MUSK: variants seen among roughly 807,000 people sequenced by gnomAD.
The protein encoded by MUSK is muscle, skeletal receptor tyrosine-protein kinase.
MUSK carries 55 observed loss-of-function variants against 88.7 expected under a neutral mutation model. The observed-to-expected ratio is 0.62, with a 90% CI of 0.50 to 0.78. The LOEUF is 0.78. MUSK is among the 30% of genes least tolerant of loss of function. MUSK has a pLI of 0.00. For missense variants in MUSK, 1,015 were observed against 1,074.3 expected (o/e 0.94, Z 0.77); for synonymous variants, 387 against 391.9 (o/e 0.99, Z 0.15).
intron 1 of MUSK, among the ~76,000 whole-genome samples, chr9:110,670,448 TG>T (rs2075942692): frequency 6.6e-6 from 1 of 152,180 alleles, no homozygotes; most frequent in African/African-American, 2.4e-5. Flanking sequence ...GCAGGACAAT[TG>T]ATTTTGATGA....
At chr9:110,704,761 G>T (rs1002258378) in intron 5 of MUSK, among the ~76,000 whole-genome samples, 1 of 151,882 alleles carries the variant, frequency 6.6e-6, no homozygotes, top group Non-Finnish European at 1.5e-5. Flanking sequence ...CGAGGTGGGC[G>T]AATCACGAGG....
intron 3 of MUSK, 46 bp downstream of exon 3, chr9:110,687,314 T>C: frequency 5.6e-6 from 9 of 1,607,448 alleles, no homozygotes; most frequent in South Asian, 1.1e-5. Context: ...GTTGACTTGG[T>C]ACACTTAGTT....
In MUSK at chr9:110,780,882, T is replaced by C. The variant is rs1208412712; in HGVS notation, c.1385-3933T>C. Among the ~76,000 whole-genome samples the C allele has an allele frequency of 2.0e-5, 3 of 152,204 alleles. No homozygotes were observed. In the South Asian group the frequency reaches 6.2e-4, roughly 32 times the overall value. Reference sequence around the variant, plus strand: ...AGGGCTTCATGTTGGGAGCTTGAGATAAGCTATGATGGGAATCTTTATCCC... The same window carrying C: ...AGGGCTTCATGTTGGGAGCTTGAGACAAGCTATGATGGGAATCTTTATCCC... On this transcript the variant is annotated intron_variant, in intron 11 of 14. Transcript: ENST00000374448.
intron 1 of MUSK, among the ~76,000 whole-genome samples, chr9:110,681,400 G>C (rs1196691442): frequency 6.6e-6 from 1 of 151,148 alleles, no homozygotes; most frequent in Admixed American, 6.7e-5. Flanking sequence ...TGCTCACCCT[G>C]GGAATTAAAT....
intron 6 of MUSK, among the ~76,000 whole-genome samples, chr9:110,740,438 T>C (rs773009770): frequency 2.0e-5 from 3 of 152,176 alleles, no homozygotes; most frequent in African/African-American, 4.8e-5. Context: ...GTGCCTACAA[T>C]GATGAGCGCC....
intron 8 of MUSK, 37 bp downstream of exon 8, chr9:110,762,245 T>C (rs1383791845): frequency 3.6e-6 from 5 of 1,399,892 alleles, no homozygotes; most frequent in Non-Finnish European, 4.7e-6. Flanking sequence ...TTTCCAATGT[T>C]TTGTTTTGTA....
At chr9:110,730,197 AAT>A (rs1334463165) in intron 5 of MUSK, among the ~76,000 whole-genome samples, 1 of 134,970 alleles carries the variant, frequency 7.4e-6, no homozygotes, top group African/African-American at 2.8e-5. Context: ...CCCAGAGTTA[AAT>A]ATATTACCTT....
chr9:110,701,478 G>T (rs750561682), intron 5 of MUSK, among the ~76,000 whole-genome samples: 1 of 151,388 alleles, frequency 6.6e-6, no homozygotes, highest in Non-Finnish European at 1.5e-5. Context: ...CTTTCTTTCC[G>T]TCTTTCTTGT....
At chr9:110,679,660 A>T (rs1254091838) in intron 1 of MUSK, among the ~76,000 whole-genome samples, 1 of 151,016 alleles carries the variant, frequency 6.6e-6, no homozygotes, top group African/African-American at 2.4e-5. Context: ...TTTGTTTTTG[A>T]TTGATAAAGC....
intron 12 of MUSK, 136 bp downstream of exon 12, chr9:110,785,152 C>T (rs1564291022): frequency 1.3e-6 from 1 of 775,952 alleles, no homozygotes. Flanking sequence ...TAAAATTAAG[C>T]ACCCCCATCA....
chr9:110,699,432 A>G (rs1424864744), intron 5 of MUSK, among the ~76,000 whole-genome samples: 3 of 152,218 alleles, frequency 2.0e-5, no homozygotes, highest in Non-Finnish European at 4.4e-5. Flanking sequence ...GGTACATAAT[A>G]AGCATTTAAT....
intron 3 of MUSK, 74 bp downstream of exon 3, chr9:110,687,342 A>G (rs1054079891): frequency 1.5e-6 from 2 of 1,341,038 alleles, no homozygotes; most frequent in East Asian, 2.7e-5. Flanking sequence ...TATTTTTTAC[A>G]TTTTTTTTTT....
rs1230750576 is a variant in MUSK at position 110,690,154 on chromosome 9, GTATAAATA to G, written c.358+2907_358+2914del. 3.5e-3 allele frequency among the ~76,000 whole-genome samples: 350 copies of G among 98,980 alleles called. 8 individuals are homozygous for G. The highest frequency in any genetic ancestry group is 0.015 in the African/African-American group (324 of 22,276). 64.9% of individuals were successfully genotyped at this position (98,980 alleles called of 152,430 possible). ...TATAAATATAGAAATATATATTTAA[GTATAAATA>G]TATAAATATATAAATATATATTTAA... On this transcript the variant is annotated intron_variant, in intron 3 of 14. Coordinates refer to ENST00000374448, the MANE Select transcript of MUSK (RefSeq NM_005592.4).
intron 1 of MUSK, among the ~76,000 whole-genome samples, chr9:110,681,130 A>T (rs1436138427): frequency 1.2e-4 from 7 of 56,378 alleles, no homozygotes; most frequent in African/African-American, 6.6e-4. Context: ...TATATTATAT[A>T]TATTATAAGG....
intron 5 of MUSK, among the ~76,000 whole-genome samples, chr9:110,732,980 T>G (rs924358266): frequency 2.0e-5 from 3 of 152,136 alleles, no homozygotes; most frequent in Non-Finnish European, 4.4e-5. Context: ...AACACTACTC[T>G]GGACCTGTTC....
intron 5 of MUSK, among the ~76,000 whole-genome samples, chr9:110,700,758 T>C (rs1436134673): frequency 2.0e-5 from 3 of 152,138 alleles, no homozygotes; most frequent in Admixed American, 2.0e-4. Context: ...AGGGTTGTAT[T>C]TGGGGGCCAA....
rs928134595 is a variant in MUSK, at chr9:110,785,553, C to T, written c.1613C>T (p.Thr538Ile). The change falls in exon 13 of 15, where the codon ACA (threonine) becomes ATA (isoleucine). Residue 538 changes from threonine to isoleucine, a missense_variant. By Grantham distance (89) the Thr-to-Ile change is moderately conservative. Coordinates refer to ENST00000374448, the MANE Select transcript of MUSK (RefSeq NM_005592.4). The part of the protein sequence containing the change: ...KRESAAVTLT[T>I]LPSELLLDRL... ...GAATCAGCAGCAGTAACCCTCACCA[C>T]ACTGCCTTCTGAGCTCTTACTAGAT... 1.9e-6 allele frequency: 3 copies of T among 1,611,962 alleles called. No individual in the cohort carries two copies. The highest frequency in any genetic ancestry group is 2.5e-6 in the Non-Finnish European group (3 of 1,178,860).
At chr9:110,771,713 T>A (rs1419412451) in intron 9 of MUSK, among the ~76,000 whole-genome samples, 3 of 152,096 alleles carry the variant, frequency 2.0e-5, no homozygotes, top group Non-Finnish European at 4.4e-5. Context: ...AACTGCAGTA[T>A]CAAAAGGAAA....
In MUSK at chr9:110,767,140, C is replaced by A. The variant is rs759992186; in HGVS notation, c.921-680C>A. Among the ~76,000 whole-genome samples, 19 of 152,332 alleles carry A rather than the reference C, an allele frequency of 1.2e-4. No homozygotes were observed. In the Middle Eastern group the frequency reaches 0.01, roughly 82 times the overall value. ...ACTTACATCATTCAACAGAATAGATCACTGAGGCACTGGGTGACCAGTTGA... is the reference window on the plus strand; with the variant it reads ...ACTTACATCATTCAACAGAATAGATAACTGAGGCACTGGGTGACCAGTTGA... On this transcript the variant is annotated intron_variant, in intron 8 of 14. Coordinates refer to ENST00000374448, the MANE Select transcript of MUSK (RefSeq NM_005592.4).
Sources: allele counts gnomAD v4.1 joint callset (sites outside exome capture counted in the v4.1 genomes callset), GRCh38; gene constraint gnomAD v4.1.1; transcripts MANE v1.5; gene names NCBI Gene and HGNC (gene_info 2026-07-23, HGNC 2026-07-21).